Variants in METTL16 observed in about 807,000 individuals in gnomAD.
METTL16 encodes RNA N(6)-adenosine-methyltransferase METTL16.
A neutral mutation model predicts 57.9 loss-of-function variants in METTL16; 19 were observed. The ratio of observed to expected loss-of-function variants is 0.33; its 90% CI spans 0.23 to 0.48. METTL16 has a LOEUF of 0.48. Among genes scored for constraint, METTL16 ranks in the 20% least tolerant of loss-of-function variants. METTL16 has a pLI of 0.99. For synonymous variants in METTL16, 246 were observed against 255.6 expected (o/e 0.96, Z 0.36); for missense variants, 434 against 691.5 (o/e 0.63, Z 4.18).
At chr17:2,493,257 T>A (rs2067414906) in intron 2 of METTL16, among the ~76,000 whole-genome samples, 1 of 151,230 alleles carries the variant, frequency 6.6e-6, no homozygotes, top group African/African-American at 2.4e-5. Context: ...CCCGGCTAAT[T>A]TTTTTGTATT....
intron 6 of METTL16, among the ~76,000 whole-genome samples, chr17:2,453,757 T>C (rs2067088746): frequency 1.3e-5 from 2 of 152,192 alleles, no homozygotes; most frequent in South Asian, 4.1e-4. Context: ...GCCTCTAAAA[T>C]CACCAATTAG....
In METTL16 at chr17:2,448,789, TAA is replaced by T. The variant is rs1288709390; in HGVS notation, c.729-7232_729-7231del. On this transcript the variant is annotated intron_variant, in intron 6 of 9. Transcript: ENST00000263092. ...AATAAAAAATAAAAAAATAAAAAAA[TAA>T]AAATAAAATTTAAAAAAAAAAAAAA... Among the ~76,000 whole-genome samples, 169 of 47,710 alleles carry T rather than the reference TAA, an allele frequency of 3.5e-3. 1 individual carries two copies. The highest frequency in any genetic ancestry group is 7.3e-3 in the Non-Finnish European group (137 of 18,842). The allele number at this position is 47,710 out of a possible 152,430, so 31.3% of individuals were successfully genotyped here. A position where few individuals can be genotyped will look rare whatever the true frequency, so the allele number is the denominator to read the frequency against.
intron 1 of METTL16, among the ~76,000 whole-genome samples, chr17:2,506,497 G>A (rs1347481950): frequency 3.3e-4 from 30 of 91,864 alleles, no homozygotes; most frequent in African/African-American, 6.2e-4. Flanking sequence ...TGTGTTGGCC[G>A]GGCTGGTCTC....
At chr17:2,510,100 C>A (rs936370939) in intron 1 of METTL16, among the ~76,000 whole-genome samples, 1 of 151,810 alleles carries the variant, frequency 6.6e-6, no homozygotes, top group Non-Finnish European at 1.5e-5. Context: ...AGAAAATGTT[C>A]TTTCTTGTGA....
chr17:2,421,658 C>A (rs1182037669), intron 8 of METTL16, among the ~76,000 whole-genome samples: 2 of 152,134 alleles, frequency 1.3e-5, no homozygotes, highest in Non-Finnish European at 2.9e-5. Flanking sequence ...GTGTTCTTGG[C>A]TGGAAAGAAC....
At chr17:2,477,570 C>T (rs776075374) in intron 3 of METTL16, 116 bp downstream of exon 3, 13 of 760,410 alleles carry the variant, frequency 1.7e-5, no homozygotes, top group Admixed American at 2.5e-5. Context: ...CAACCTGTAT[C>T]TGTAGCCAGC....
chr17:2,456,008 TTAAAA>T (rs1182789911), intron 6 of METTL16, among the ~76,000 whole-genome samples: 21 of 150,712 alleles, frequency 1.4e-4, no homozygotes, highest in African/African-American at 4.7e-4. Flanking sequence ...AATTAATTAA[TTAAAA>T]TAAAATAAGG....
At chr17:2,508,168 CA>C (rs2067561936) in intron 1 of METTL16, among the ~76,000 whole-genome samples, 1 of 151,342 alleles carries the variant, frequency 6.6e-6, no homozygotes, top group African/African-American at 2.4e-5. Flanking sequence ...CATCTCCTAG[CA>C]ATAAATATTT....
chr17:2,496,217 C>G (rs1454374575), intron 2 of METTL16, among the ~76,000 whole-genome samples: 1 of 151,696 alleles, frequency 6.6e-6, no homozygotes, highest in African/African-American at 2.4e-5. Context: ...TTCATGGATC[C>G]TCTCAAAGTC....
chr17:2,476,495 A>T (rs2067269356), intron 3 of METTL16, among the ~76,000 whole-genome samples: 1 of 152,232 alleles, frequency 6.6e-6, no homozygotes, highest in Non-Finnish European at 1.5e-5. Flanking sequence ...GGAAACCAGC[A>T]GTCTGGTGTC....
chr17:2,434,490 G>A (rs1339496246), intron 8 of METTL16, among the ~76,000 whole-genome samples: 1 of 152,196 alleles, frequency 6.6e-6, no homozygotes, highest in African/African-American at 2.4e-5. Context: ...TGGGATCACA[G>A]GCATCAGCCA....
chr17:2,415,880 C>T (rs915858575), downstream of METTL16: 2 of 152,136 alleles, frequency 1.3e-5, no homozygotes, highest in African/African-American at 4.8e-5. Flanking sequence ...CCAGTATCTT[C>T]ATTAACTAGA....
At chr17:2,501,095 C>A (rs1419663062) in intron 2 of METTL16, among the ~76,000 whole-genome samples, 1 of 152,026 alleles carries the variant, frequency 6.6e-6, no homozygotes, top group African/African-American at 2.4e-5. Context: ...CCACCCTGGG[C>A]AACAGAGACT....
chr17:2,431,330 T>C (rs1332541950), intron 8 of METTL16, among the ~76,000 whole-genome samples: 1 of 152,246 alleles, frequency 6.6e-6, no homozygotes, highest in African/African-American at 2.4e-5. Flanking sequence ...ACTGTTTAGT[T>C]TCCATCTTCT....
intron 2 of METTL16, among the ~76,000 whole-genome samples, chr17:2,497,922 C>T (rs2067458250): frequency 6.6e-6 from 1 of 151,846 alleles, no homozygotes; most frequent in Non-Finnish European, 1.5e-5. Context: ...AGGCCCGGCG[C>T]GGTGGCTCAC....
intron 2 of METTL16, among the ~76,000 whole-genome samples, chr17:2,485,292 G>C (rs2067333139): frequency 6.6e-6 from 1 of 152,128 alleles, no homozygotes; most frequent in South Asian, 2.1e-4. Flanking sequence ...CTAGCTGAGG[G>C]GAAACAAGCT....
chr17:2,477,996 C>A, intron 2 of METTL16, 111 bp from the exon 3 acceptor site: 1 of 804,158 alleles, frequency 1.2e-6, no homozygotes. Context: ...CCAGGGAGAT[C>A]ACACACAGTT....
chr17:2,454,737 G>C (rs1490940754), intron 6 of METTL16, among the ~76,000 whole-genome samples: 3 of 146,798 alleles, frequency 2.0e-5, no homozygotes, highest in Non-Finnish European at 3.0e-5. Flanking sequence ...GCTAATTTTT[G>C]TATTTTAGTA....
intron 8 of METTL16, among the ~76,000 whole-genome samples, chr17:2,432,354 G>C (rs903255512): frequency 1.3e-5 from 2 of 152,138 alleles, no homozygotes; most frequent in African/African-American, 4.8e-5. Flanking sequence ...GATCACTTGA[G>C]CCCAGGAGTT....
Sources: gnomAD v4.1 joint callset for allele counts (sites outside exome capture counted in the v4.1 genomes callset) on GRCh38, gnomAD v4.1.1 for gene constraint, MANE v1.5 for transcripts, NCBI Gene and HGNC (gene_info 2026-07-23, HGNC 2026-07-21) for gene names.